Variants in ATP9B observed in about 807,000 individuals in gnomAD.
The protein encoded by ATP9B is probable phospholipid-transporting ATPase IIB.
In ATP9B, 110 loss-of-function variants were observed where a neutral mutation model predicts 146.1. That is an observed-to-expected ratio of 0.75 (90% CI 0.65 to 0.88). The LOEUF is 0.88. Ranked by LOEUF, ATP9B falls within the 40% of genes least tolerant of loss-of-function variation. ATP9B has a pLI of 0.00. For synonymous variants in ATP9B, 604 were observed against 569.7 expected, an observed-to-expected ratio of 1.06 and a Z score of -0.86; for missense variants, 1,499 against 1,496.4, an observed-to-expected ratio of 1.00 and a Z score of -0.03.
intron 8 of ATP9B, among the ~76,000 whole-genome samples, chr18:79,179,854 C>T (rs970826874): frequency 1.3e-5 from 2 of 152,166 alleles, no homozygotes; most frequent in South Asian, 2.1e-4. Context: ...TTCTACCATT[C>T]GTTCTCTGAA....
Position 79,239,258 on chromosome 18 carries a change from G to A in ATP9B, c.1108-14123G>A, listed in dbSNP as rs770603864. ...TGGACTGTGGACTGTGGACCACCGC[G>A]TGTGCCCCTTCAGCCCTCTTATTTC... On this transcript the variant is annotated intron_variant, in intron 11 of 29. Coordinates refer to ENST00000426216, the MANE Select transcript of ATP9B (RefSeq NM_198531.5). This position sits in a 1 kb window ranked among gnomAD's most constrained non-coding sequence, Gnocchi z 5.1. 3.4e-4 allele frequency among the ~76,000 whole-genome samples: 52 copies of A among 152,228 alleles called. 1 individual carries two copies. The highest frequency in any genetic ancestry group is 1.1e-3 in the African/African-American group (47 of 41,456).
intron 3 of ATP9B, among the ~76,000 whole-genome samples, chr18:79,111,674 G>A (rs1336242135): frequency 1.3e-5 from 2 of 152,134 alleles, no homozygotes; most frequent in Admixed American, 6.5e-5. Context: ...TCAGTAGACT[G>A]TAGAGTATTG....
At chr18:79,167,591 T>C (rs760219128) in intron 7 of ATP9B, among the ~76,000 whole-genome samples, 5 of 152,168 alleles carry the variant, frequency 3.3e-5, no homozygotes, top group Non-Finnish European at 5.9e-5. Context: ...TTCCCACAGC[T>C]GGTAGTCCCA....
intron 5 of ATP9B, 53 bp from the exon 6 acceptor site, chr18:79,143,749 A>G: frequency 8.7e-7 from 1 of 1,154,868 alleles, no homozygotes. Context: ...TGAAAGTTGA[A>G]CTTGGGTGTG....
chr18:79,131,356 A>G (rs990980426), intron 5 of ATP9B, among the ~76,000 whole-genome samples: 1 of 152,230 alleles, frequency 6.6e-6, no homozygotes, highest in African/African-American at 2.4e-5. Flanking sequence ...AAAATAGGCA[A>G]AGGACCTGGA....
chr18:79,205,119 C>T (rs2095522042), intron 9 of ATP9B, among the ~76,000 whole-genome samples: 1 of 152,162 alleles, frequency 6.6e-6, no homozygotes, highest in Non-Finnish European at 1.5e-5. Flanking sequence ...AGGACACTTC[C>T]TAACTACTGG....
intron 11 of ATP9B, among the ~76,000 whole-genome samples, chr18:79,224,376 G>A (rs1239226342): frequency 6.6e-6 from 1 of 152,152 alleles, no homozygotes; most frequent in African/African-American, 2.4e-5. Flanking sequence ...ACTGAGAATG[G>A]GAAAGTGCTG....
chr18:79,257,727 TC>T (rs1422487111), intron 12 of ATP9B, among the ~76,000 whole-genome samples: 5 of 152,336 alleles, frequency 3.3e-5, no homozygotes, highest in Non-Finnish European at 7.3e-5. Context: ...GGGCGCCTGC[TC>T]CCATCTCTGT....
At chr18:79,193,741 C>T (rs535278159) in intron 9 of ATP9B, among the ~76,000 whole-genome samples, 2 of 152,318 alleles carry the variant, frequency 1.3e-5, no homozygotes, top group East Asian at 3.9e-4. Context: ...CCCTGACTAA[C>T]AGGGCTTGAG....
intron 19 of ATP9B, among the ~76,000 whole-genome samples, chr18:79,337,758 G>C (rs765464051): frequency 2.2e-4 from 34 of 152,230 alleles, no homozygotes; most frequent in Non-Finnish European, 4.3e-4. Context: ...CCATTTCCCA[G>C]GGATGGTTAT....
chr18:79,337,552 G>A (rs1249573490), intron 19 of ATP9B, 103 bp downstream of exon 19: 11 of 1,452,218 alleles, frequency 7.6e-6, no homozygotes, highest in Non-Finnish European at 9.1e-6. Flanking sequence ...GGTCATGGAT[G>A]TGAGAGAGCT....
rs56408063 is a variant in ATP9B at position 79,163,869 on chromosome 18, T to TACACACACACACAC, written c.778+9338_778+9351dup. The stretch of plus-strand genomic sequence containing the variant: ...TATTTTATTTTCATATTTTATTTTA[T>TACACACACACACAC]ACACACACACACACACACACACACA... On this transcript the variant is annotated intron_variant, in intron 7 of 29. Coordinates refer to ENST00000426216, the MANE Select transcript of ATP9B (RefSeq NM_198531.5). Among the ~76,000 whole-genome samples, 818 of 142,772 alleles carry TACACACACACACAC rather than the reference T, an allele frequency of 5.7e-3. 5 individuals carry two copies. The highest frequency in any genetic ancestry group is 0.016 in the East Asian group (80 of 4,876). The allele number at this position is 142,772 out of a possible 152,430, so 93.7% of individuals were successfully genotyped here.
At chr18:79,225,425 T>G (rs1382569788) in intron 11 of ATP9B, among the ~76,000 whole-genome samples, 1 of 152,242 alleles carries the variant, frequency 6.6e-6, no homozygotes, top group Non-Finnish European at 1.5e-5. Flanking sequence ...AGATATTAAC[T>G]CCAAAAGATT....
chr18:79,295,461 G>GA (rs988787765), intron 13 of ATP9B, among the ~76,000 whole-genome samples: 2 of 152,162 alleles, frequency 1.3e-5, no homozygotes, highest in African/African-American at 4.8e-5. Flanking sequence ...CTGTATAAGT[G>GA]AAAGGGGGTA....
Position 79,372,882 on chromosome 18 carries a change from G to A in ATP9B, c.3070G>A (p.Gly1024Ser). The A allele has an allele frequency of 1.2e-6, 2 of 1,602,016 alleles. No homozygotes were observed. Among genetic ancestry groups the A allele is most frequent in the Non-Finnish European group, 1.7e-6 (2 of 1,169,146 alleles). Residue 1024 changes from glycine (G) to serine (S), a missense_variant and splice_region_variant, in exon 27 of 30, where the codon GGC becomes AGC. By Grantham distance (56) the Gly-to-Ser change is moderately conservative. Coordinates refer to ENST00000426216, the MANE Select transcript of ATP9B (RefSeq NM_198531.5). ...LIWVLISIYQGGILMYGALVL... is the reference protein window; with the variant it reads ...LIWVLISIYQSGILMYGALVL... ...CTGGGTTTTAATAAGTATTTACCAA[G>A]GTAAGACGAGATCCTTAGTTTACTG...
chr18:79,307,627 A>G lies in ATP9B; in HGVS notation c.1773+393A>G, dbSNP rs375665458. ...GTCCAAATTGAATCATCTGGTTTCC[A>G]TATTAAATTTCCACATATTTTGCCA... On this transcript the variant is annotated intron_variant, in intron 15 of 29. Transcript: ENST00000426216. 2.4e-3 allele frequency among the ~76,000 whole-genome samples: 365 copies of G among 152,358 alleles called. 1 individual carries two copies. Among genetic ancestry groups the G allele is most frequent in the South Asian group, 6.4e-3 (31 of 4,826 alleles).
intron 1 of ATP9B, among the ~76,000 whole-genome samples, chr18:79,093,145 T>C (rs1020833859): frequency 6.6e-6 from 1 of 152,250 alleles, no homozygotes; most frequent in Non-Finnish European, 1.5e-5. Flanking sequence ...CACTGTTTTA[T>C]ATGCAATCCA....
intron 5 of ATP9B, among the ~76,000 whole-genome samples, chr18:79,126,665 G>A (rs2094292460): frequency 6.6e-6 from 1 of 152,088 alleles, no homozygotes; most frequent in African/African-American, 2.4e-5. Context: ...TGTTCTATTG[G>A]TATATACGTA....
intron 19 of ATP9B, 65 bp from the exon 20 acceptor site, chr18:79,342,203 G>C: frequency 7.7e-7 from 1 of 1,290,688 alleles, no homozygotes; most frequent in Non-Finnish European, 1.1e-6. Context: ...TGTGAATTAT[G>C]TGAGACATCA....
Sources: gnomAD v4.1 joint callset for allele counts (sites outside exome capture counted in the v4.1 genomes callset) on GRCh38, gnomAD v4.1.1 for gene constraint, Gnocchi (gnomAD v3.1) non-coding constraint, MANE v1.5 for transcripts, NCBI Gene and HGNC (gene_info 2026-07-23, HGNC 2026-07-21) for gene names.